The following MUC5B variants were observed in gnomAD, a reference collection of about 807,000 sequenced individuals.
The protein encoded by MUC5B is mucin 5B, oligomeric mucus/gel-forming, also known as mucin-5B.
In MUC5B, 116 loss-of-function variants were observed where a neutral mutation model predicts 376.9. The observed-to-expected ratio is 0.31, with a 90% CI of 0.26 to 0.36. The LOEUF is 0.36. Ranked by LOEUF, MUC5B falls within the 10% of genes least tolerant of loss-of-function variation. The pLI is 1.00. For synonymous variants in MUC5B, 3,517 were observed against 3,390.9 expected, an observed-to-expected ratio of 1.04 and a Z score of -1.29; for missense variants, 7,165 against 7,769.9, an observed-to-expected ratio of 0.92 and a Z score of 2.93.
rs757282629 is a variant in MUC5B at position 1,245,924 on chromosome 11, C to A, written c.9044C>A (p.Thr3015Asn). 9 of 1,613,040 alleles carry A rather than the reference C, an allele frequency of 5.6e-6. No homozygotes were observed. The East Asian group carries it at 8.9e-5, about 16-fold the overall frequency. Residue 3015 changes from threonine to asparagine, a missense_variant, in exon 31 of 49, where the codon ACC (threonine) becomes AAC (asparagine). Thr to Asn is a moderately conservative substitution (Grantham distance 65). Around this residue, in one of 31 missense-constraint regions of MUC5B, gnomAD observed 939 missense variants for 770.6 expected, o/e 1.22. Transcript: ENST00000529681. Reference protein sequence around the residue: ...TTGSTAIPSSTPGTAPPPKVL... With the variant: ...TTGSTAIPSSNPGTAPPPKVL... Reference sequence around the variant, plus strand: ...GGATCCACGGCCATCCCGTCCTCCACCCCGGGAACAGCTCCCCCTCCCAAA... The same window carrying A: ...GGATCCACGGCCATCCCGTCCTCCAACCCGGGAACAGCTCCCCCTCCCAAA...
rs552427345 is a variant in MUC5B, at chr11:1,257,902, C to T, written c.16450+192C>T. Among the ~76,000 whole-genome samples the T allele has an allele frequency of 6.6e-6, 1 of 152,288 alleles. No homozygotes were observed. The highest frequency in any genetic ancestry group is 2.1e-4 in the South Asian group (1 of 4,830). ...TCCTCCTAACGATGAGGCTGGTGAC[C>T]TCTGGCCTGCCCAGGAGTGGCCCAG... On this transcript the variant is annotated intron_variant, in intron 41 of 48. Coordinates refer to ENST00000529681, the MANE Select transcript of MUC5B (RefSeq NM_002458.3). This position sits in a 1 kb window ranked among gnomAD's most constrained non-coding sequence, Gnocchi z 8.9.
rs1178541433 is a variant in MUC5B, at chr11:1,252,897, CCAA to C, written c.15136_15138del (p.Asn5046del). 2.2e-5 allele frequency: 36 copies of C among 1,612,534 alleles called. No homozygotes were observed. Among genetic ancestry groups the C allele is most frequent in the Non-Finnish European group, 3.1e-5 (36 of 1,179,874 alleles). ...GTCCTGCTGGACCCAAAGCCTGTGG[CCAA>C]CGTCACCTGCGTGAACAAGCACCTG... On this transcript the variant is annotated inframe_deletion, in exon 33 of 49. Transcript: ENST00000529681.
At position 1,251,286 on chromosome 11, in the gene MUC5B, C is replaced by A. The variant is rs773660487; in HGVS notation, c.14406C>A (p.Ala4802=). ...VLTTTATMTR[A]TNSTATPSST... The stretch of plus-strand genomic sequence containing the variant: ...CCACCACAGCCACCATGACAAGGGC[C>A]ACCAATTCCACGGCCACACCCTCCT... Residue 4802 remains alanine (A), a synonymous_variant, in exon 31 of 49, where the codon GCC becomes GCA. Coordinates refer to ENST00000529681, the MANE Select transcript of MUC5B (RefSeq NM_002458.3). 8.1e-6 allele frequency: 13 copies of A among 1,611,506 alleles called. No homozygotes were observed. In the African/African-American group the frequency reaches 1.7e-4, roughly 22 times the overall value.
In MUC5B at chr11:1,229,249, G is replaced by A. The variant is rs772481100; in HGVS notation, c.1056G>A (p.Ala352=). ...ACACCTGCTCCAACCCCCAGCGCGC[G>A]CAGCTCTGCGAGGACCACTGTGTGG... ...CTDTCSNPQR[A]QLCEDHCVDG... Residue 352 remains alanine, a synonymous_variant, in exon 9 of 49, where the codon GCG becomes GCA. Transcript: ENST00000529681. The A allele has an allele frequency of 2.0e-5, 32 of 1,592,336 alleles. No homozygotes were observed. Among genetic ancestry groups the A allele is most frequent in the East Asian group, 6.9e-5 (3 of 43,712 alleles).
At chr11:1,252,602 C>CGTGCATGT in intron 32 of MUC5B, 78 bp downstream of exon 32, 1 of 1,429,554 alleles carries the variant, frequency 7.0e-7, no homozygotes. Context: ...CACAGTCCAG[C>CGTGCATGT]TCCCGAGGCC....
rs1285252436 is a variant in MUC5B, at chr11:1,232,497, G to A, written c.1891G>A (p.Ala631Thr). ...CTCGCGCCTGACCGATCCCAACAGT[G>A]CCTTCTCGCGCTGCCACTCCATCAT... ...WCSRLTDPNS[A>T]FSRCHSIINP... The change falls in exon 16 of 49, where the codon GCC (alanine) becomes ACC (threonine). Residue 631 changes from alanine (A) to threonine (T), a missense_variant. Coordinates refer to ENST00000529681, the MANE Select transcript of MUC5B (RefSeq NM_002458.3). The A allele has an allele frequency of 6.2e-7, 1 of 1,610,940 alleles. No individual in the cohort carries two copies. The highest frequency in any genetic ancestry group is 8.5e-7 in the Non-Finnish European group (1 of 1,179,196).
Position 1,254,896 on chromosome 11 carries a change from G to A in MUC5B, c.15664+16G>A. 2 of 1,600,506 alleles carry A rather than the reference G, an allele frequency of 1.2e-6. No individual in the cohort carries two copies. The highest frequency in any genetic ancestry group is 1.7e-6 in the Non-Finnish European group (2 of 1,175,068). On this transcript the variant is annotated intron_variant, in intron 35 of 48. Transcript: ENST00000529681. The stretch of plus-strand genomic sequence containing the variant: ...GGCCAGTGCGGTGAGTGGGCGGCGG[G>A]TCCTGCCCCGGCCAGGGCTGCTGCT...
Position 1,243,487 on chromosome 11 carries a change from C to A in MUC5B, c.6607C>A (p.Pro2203Thr). The change falls in exon 31 of 49, where the codon CCC (proline) becomes ACC (threonine). Residue 2203 changes from proline to threonine, a missense_variant. Transcript: ENST00000529681. ...GGCCACCACACACGGGCGATCCCTG[C>A]CCCCCAGCAGTCCCCACACGGTGCG... ...TMATTHGRSL[P>T]PSSPHTVRTA... 1.9e-6 allele frequency: 3 copies of A among 1,583,140 alleles called. No homozygotes were observed. The highest frequency in any genetic ancestry group is 2.6e-6 in the Non-Finnish European group (3 of 1,164,412).
rs536443036 is a variant in MUC5B, at chr11:1,257,734, G to A, written c.16450+24G>A. 21 of 1,525,588 alleles carry A rather than the reference G, an allele frequency of 1.4e-5. No individual in the cohort carries two copies. The African/African-American group carries it at 2.2e-4, about 16-fold the overall frequency. The allele number at this position is 1,525,588 out of a possible 1,614,324, so 94.5% of individuals were successfully genotyped here. A position where few individuals can be genotyped will look rare whatever the true frequency, so the allele number is the denominator to read the frequency against. On this transcript the variant is annotated intron_variant, in intron 41 of 48. Coordinates refer to ENST00000529681, the MANE Select transcript of MUC5B (RefSeq NM_002458.3). This position sits in a 1 kb window ranked among gnomAD's most constrained non-coding sequence, Gnocchi z 8.9. ...CGGTAAGACGCTGCAGAGCAGAGGT[G>A]CCCGGCATAGGGTGAGGGGGGACAG...
intron 1 of MUC5B, among the ~76,000 whole-genome samples, chr11:1,224,469 G>A (rs1459210305): frequency 2.7e-5 from 4 of 149,922 alleles, no homozygotes; most frequent in South Asian, 2.1e-4. Context: ...GGGCTGCCTG[G>A]GGGGGAGGGG....
rs1862102791 is a variant in MUC5B, at chr11:1,234,124, A to ACAGG, written c.2378-79_2378-76dup. The ACAGG allele has an allele frequency of 8.4e-7, 1 of 1,186,338 alleles. No homozygotes were observed. Among genetic ancestry groups the ACAGG allele is most frequent in the Non-Finnish European group, 1.2e-6 (1 of 821,622 alleles). 73.5% of individuals were successfully genotyped at this position (1,186,338 alleles called of 1,614,324 possible). A position where few individuals can be genotyped will look rare whatever the true frequency, so the allele number is the denominator to read the frequency against. On this transcript the variant is annotated intron_variant, in intron 19 of 48. Coordinates refer to ENST00000529681, the MANE Select transcript of MUC5B (RefSeq NM_002458.3). The surrounding 1 kb of genome is among the most constrained non-coding windows in gnomAD (Gnocchi z 6.3). ...GGGGGCTGTTAACTTGATCAGCAGGACAGGCTCAGGGCTGCCTGGGGTCAG... is the reference window on the plus strand; with the variant it reads ...GGGGGCTGTTAACTTGATCAGCAGGACAGGCAGGCTCAGGGCTGCCTGGGGTCAG...
At chr11:1,229,034 T>A in intron 8 of MUC5B, 136 bp from the exon 9 acceptor site, 8 of 1,120,508 alleles carry the variant, frequency 7.1e-6, no homozygotes, top group Non-Finnish European at 9.8e-6. Context: ...ATGAGGGGCG[T>A]CAGGGCCACC....
rs570220257 is a variant in MUC5B at position 1,233,361 on chromosome 11, C to T, written c.2321+93C>T. ...GCTTCTGTGCCTCCCCCCGAGGGTT[C>T]TGAGACATGAGGGGCCAGGCTGGGG... On this transcript the variant is annotated intron_variant, in intron 18 of 48. Transcript: ENST00000529681. 3 of 1,372,722 alleles carry T rather than the reference C, an allele frequency of 2.2e-6. No individual in the cohort carries two copies. The African/African-American group carries it at 4.4e-5, about 20-fold the overall frequency. 85.0% of individuals were successfully genotyped at this position (1,372,722 alleles called of 1,614,324 possible).
chr11:1,223,190 G>T lies in MUC5B; in HGVS notation c.67G>T (p.Ala23Ser). ...ALAAMLVVPQ[A>S]ETQGPVEPSW... ...GGCGGCCATGCTCGTGGTGCCGCAG[G>T]CAGGTAAGAGCCCCCCACTCCGCCC... The change falls in exon 1 of 49, where the codon GCA becomes TCA. Residue 23 changes from alanine (A) to serine (S), a missense_variant. Transcript: ENST00000529681. The T allele has an allele frequency of 1.4e-6, 1 of 711,098 alleles. No homozygotes were observed. The allele number at this position is 711,098 out of a possible 1,614,324, so 44.0% of individuals were successfully genotyped here. A position where few individuals can be genotyped will look rare whatever the true frequency, so the allele number is the denominator to read the frequency against.
At chr11:1,259,592 C>T in intron 44 of MUC5B, 164 bp from the exon 45 acceptor site, 1 of 659,362 alleles carries the variant, frequency 1.5e-6, no homozygotes, top group South Asian at 1.9e-5. Context: ...TGGGGTGAGG[C>T]TGAGCCGGGA....
intron 23 of MUC5B, among the ~76,000 whole-genome samples, 193 bp from the exon 24 acceptor site, chr11:1,236,193 C>T (rs1159069946): frequency 6.6e-6 from 1 of 152,182 alleles, no homozygotes. Flanking sequence ...AGCCCCTGTT[C>T]CCAGCACTTC....
Position 1,246,353 on chromosome 11 carries a change from C to A in MUC5B, c.9473C>A (p.Pro3158Gln), listed in dbSNP as rs200820430. The A allele has an allele frequency of 2.2e-4, 345 of 1,604,114 alleles. 1 individual carries two copies. In the African/African-American group the frequency reaches 3.8e-3, roughly 18 times the overall value. Reference sequence around the variant, plus strand: ...CCCACGGCCACCCCGTCCTCCACCCCAGGGACCACCTGGATCCTCACAGAG... The same window carrying A: ...CCCACGGCCACCCCGTCCTCCACCCAAGGGACCACCTGGATCCTCACAGAG... Reference protein sequence around the residue: ...TGPTATPSSTPGTTWILTEPS... With the variant: ...TGPTATPSSTQGTTWILTEPS... The change falls in exon 31 of 49, where the codon CCA becomes CAA. Residue 3158 changes from proline (P) to glutamine (Q), a missense_variant. Transcript: ENST00000529681.
chr11:1,229,939 G>C, intron 10 of MUC5B, 66 bp from the exon 11 acceptor site: 4 of 1,554,922 alleles, frequency 2.6e-6, no homozygotes, highest in Non-Finnish European at 3.5e-6. Flanking sequence ...GCCTGCGGTG[G>C]GGGTGTGGAG....
chr11:1,230,211 G>A, intron 11 of MUC5B, 68 bp downstream of exon 11: 1 of 1,518,890 alleles, frequency 6.6e-7, no homozygotes, highest in Non-Finnish European at 8.8e-7. Context: ...CTTCCACCCA[G>A]GGGAGGCCCC....
Sources: gnomAD v4.1 joint callset for allele counts (sites outside exome capture counted in the v4.1 genomes callset) on GRCh38, gnomAD v4.1.1 for gene constraint, gnomAD v4.1.1 regional missense constraint, Gnocchi (gnomAD v3.1) non-coding constraint, MANE v1.5 for transcripts, NCBI Gene and HGNC (gene_info 2026-07-23, HGNC 2026-07-21) for gene names.